FHIT: variants seen among roughly 807,000 people sequenced by gnomAD.
FHIT encodes bis(5'-adenosyl)-triphosphatase.
In FHIT, 19 loss-of-function variants were observed where a neutral mutation model predicts 17.9. The observed-to-expected ratio is 1.06, with a 90% CI of 0.74 to 1.56. The LOEUF is 1.56. Among genes scored for constraint, FHIT ranks in the 40% most tolerant of loss-of-function variants. FHIT has a pLI of 0.00. For missense variants in FHIT, 248 were observed against 189.2 expected (o/e 1.31, Z -1.82); for synonymous variants, 81 against 69.7 (o/e 1.16, Z -0.81).
chr3:60,579,149 G>A (rs1393538799), intron 4 of FHIT, among the ~76,000 whole-genome samples: 1 of 152,096 alleles, frequency 6.6e-6, no homozygotes, highest in African/African-American at 2.4e-5. Context: ...TGCATCATTA[G>A]GCAATTTTGT....
intron 4 of FHIT, among the ~76,000 whole-genome samples, chr3:60,656,040 C>G (rs1248514354): frequency 6.6e-6 from 1 of 152,194 alleles, no homozygotes; most frequent in Non-Finnish European, 1.5e-5. Context: ...ATTACAATCC[C>G]TAGCAGTTTA....
chr3:61,124,816 T>C (rs1325511085), intron 2 of FHIT, among the ~76,000 whole-genome samples: 3 of 152,220 alleles, frequency 2.0e-5, no homozygotes, highest in East Asian at 1.9e-4. Context: ...GTTACTCTTC[T>C]AGTAAATGTG....
rs189945930 is a variant in FHIT, at chr3:60,717,761, T to G, written c.-18+104158A>C. Among the ~76,000 whole-genome samples the G allele has an allele frequency of 2.2e-3, 333 of 152,304 alleles. 12 individuals are homozygous for G. The highest frequency in any genetic ancestry group is 0.021 in the Admixed American group (328 of 15,294). ...AAATTTCTTTGTGCCATGCTTGAACTACCTAATTAGAAACCTGAGCATCTG... is the reference window on the plus strand; with the variant it reads ...AAATTTCTTTGTGCCATGCTTGAACGACCTAATTAGAAACCTGAGCATCTG... On this transcript the variant is annotated intron_variant, in intron 4 of 9. Transcript: ENST00000492590.
At position 61,100,770 on chromosome 3, in the gene FHIT, T is replaced by C. The variant is rs557638397; in HGVS notation, c.-163-58671A>G. On this transcript the variant is annotated intron_variant, in intron 2 of 9. Transcript: ENST00000492590. The stretch of plus-strand genomic sequence containing the variant: ...TGCCATTCTAACTGGCATAAGATCG[T>C]ATCTCATCGTGGTTTTGATTTGCAT... 5.9e-5 allele frequency among the ~76,000 whole-genome samples: 9 copies of C among 152,366 alleles called. No homozygotes were observed. The South Asian group carries it at 8.3e-4, about 14-fold the overall frequency.
rs577250879 is a variant in FHIT, at chr3:61,103,388, T to A, written c.-163-61289A>T. On this transcript the variant is annotated intron_variant, in intron 2 of 9. Transcript: ENST00000492590. ...TTTCAGTGAGTTTCTTAATCCTGAGTTCTAATTTGATTGCACTGTGGTCTG... is the reference window on the plus strand; with the variant it reads ...TTTCAGTGAGTTTCTTAATCCTGAGATCTAATTTGATTGCACTGTGGTCTG... 7.9e-5 allele frequency among the ~76,000 whole-genome samples: 12 copies of A among 152,328 alleles called. No homozygotes were observed. The East Asian group carries it at 2.3e-3, about 29-fold the overall frequency.
chr3:60,624,242 G>A (rs1386654735), intron 4 of FHIT, among the ~76,000 whole-genome samples: 1 of 152,224 alleles, frequency 6.6e-6, no homozygotes, highest in Non-Finnish European at 1.5e-5. Flanking sequence ...GAAGCAAGGA[G>A]TGGTAAGAGA....
intron 4 of FHIT, among the ~76,000 whole-genome samples, chr3:60,590,395 C>A (rs546359323): frequency 6.6e-6 from 1 of 152,032 alleles, no homozygotes; most frequent in Admixed American, 6.6e-5. Flanking sequence ...ACACTCCACC[C>A]CCAGAGAATA....
chr3:60,444,268 C>T (rs4426639), intron 5 of FHIT, among the ~76,000 whole-genome samples: 74,476 of 151,984 alleles, frequency 0.49, 20,446 homozygotes, highest in African/African-American at 0.73. Flanking sequence ...ACTTCAACCA[C>T]TGTGGAAGTC....
chr3:60,103,882 T>C (rs1669549126), intron 5 of FHIT, among the ~76,000 whole-genome samples: 1 of 152,238 alleles, frequency 6.6e-6, no homozygotes, highest in Admixed American at 6.5e-5. Flanking sequence ...ATGTCGCTTG[T>C]GCATAATATT....
chr3:59,818,111 A>AG (rs1700666599), intron 8 of FHIT, among the ~76,000 whole-genome samples: 1 of 86,768 alleles, frequency 1.2e-5, no homozygotes. Context: ...AATTCTAAAA[A>AG]GAAAAAAAAA....
chr3:60,211,174 A>T (rs953939933), intron 5 of FHIT, among the ~76,000 whole-genome samples: 9 of 151,800 alleles, frequency 5.9e-5, no homozygotes, highest in African/African-American at 1.9e-4. Context: ...TAAAGAACGA[A>T]AGAAAGTTGA....
At chr3:61,074,017 G>A (rs922141380) in intron 2 of FHIT, among the ~76,000 whole-genome samples, 3 of 152,174 alleles carry the variant, frequency 2.0e-5, no homozygotes, top group African/African-American at 7.2e-5. Flanking sequence ...CCAGGCATGG[G>A]TTATTAGACA....
intron 4 of FHIT, among the ~76,000 whole-genome samples, chr3:60,778,234 C>A (rs182435588): frequency 6.6e-6 from 1 of 152,314 alleles, no homozygotes; most frequent in East Asian, 1.9e-4. Flanking sequence ...ACGGAGATAA[C>A]TAAACTTCTT....
At chr3:59,790,490 TTC>T (rs957122236) in intron 8 of FHIT, among the ~76,000 whole-genome samples, 11 of 147,916 alleles carry the variant, frequency 7.4e-5, no homozygotes, top group East Asian at 3.9e-4. Flanking sequence ...TGTTCATTGC[TTC>T]TCTCTCTCTC....
At chr3:61,053,938 C>G (rs1276933392) in intron 2 of FHIT, among the ~76,000 whole-genome samples, 1 of 152,124 alleles carries the variant, frequency 6.6e-6, no homozygotes, top group African/African-American at 2.4e-5. Context: ...AGCATAATGG[C>G]TGGGTAATGA....
At position 60,422,381 on chromosome 3, in the gene FHIT, A is replaced by G. The variant is rs375829201; in HGVS notation, c.103+114479T>C. Among the ~76,000 whole-genome samples, 21 of 152,308 alleles carry G rather than the reference A, an allele frequency of 1.4e-4. No individual in the cohort carries two copies. In the South Asian group the frequency reaches 2.9e-3, roughly 21 times the overall value. On this transcript the variant is annotated intron_variant, in intron 5 of 9. Transcript: ENST00000492590. ...CAAGCAGCATGGACACAAAGTGTCT[A>G]TGTGTACCCAAACAGGGCATAGACT...
chr3:60,470,977 C>T (rs1342111357), intron 5 of FHIT, among the ~76,000 whole-genome samples: 1 of 152,216 alleles, frequency 6.6e-6, no homozygotes, highest in Non-Finnish European at 1.5e-5. Flanking sequence ...GCAGCAGGTT[C>T]TCTTCCAGCT....
At chr3:59,770,354 T>G (rs1265461390) in intron 8 of FHIT, among the ~76,000 whole-genome samples, 1 of 152,170 alleles carries the variant, frequency 6.6e-6, no homozygotes, top group African/African-American at 2.4e-5. Flanking sequence ...GTAGAGGTAA[T>G]CAGGTTAAAA....
intron 5 of FHIT, among the ~76,000 whole-genome samples, chr3:60,338,994 G>T (rs1710379278): frequency 6.6e-6 from 1 of 152,034 alleles, no homozygotes; most frequent in African/African-American, 2.4e-5. Flanking sequence ...TGTAAAGGAG[G>T]GGACCCACAG....
Sources: allele counts gnomAD v4.1 joint callset (sites outside exome capture counted in the v4.1 genomes callset), GRCh38; gene constraint gnomAD v4.1.1; transcripts MANE v1.5; gene names NCBI Gene and HGNC (gene_info 2026-07-23, HGNC 2026-07-21).